The following DSCAML1 variants were observed in gnomAD, a reference collection of about 807,000 sequenced individuals.
DSCAML1 encodes the protein DS cell adhesion molecule like 1, also known as cell adhesion molecule DSCAML1.
DSCAML1 carries 38 observed loss-of-function variants against 200.5 expected under a neutral mutation model. That is an observed-to-expected ratio of 0.19 (90% confidence interval 0.15 to 0.25). The LOEUF (loss-of-function observed/expected upper bound fraction) is 0.25. DSCAML1 is among the 10% of genes least tolerant of loss of function. The pLI is 1.00. For missense variants in DSCAML1, 2,223 were observed against 2,858.8 expected (o/e 0.78, Z 5.07); for synonymous variants, 1,215 against 1,165.0 (o/e 1.04, Z -0.87).
intron 3 of DSCAML1, among the ~76,000 whole-genome samples, chr11:117,584,134 T>A (rs2051097423): frequency 6.6e-6 from 1 of 152,102 alleles, no homozygotes; most frequent in African/African-American, 2.4e-5. Flanking sequence ...ACATTTAAAT[T>A]CTTTTCTGCT....
intron 3 of DSCAML1, among the ~76,000 whole-genome samples, chr11:117,623,569 T>C (rs2051983726): frequency 1.3e-5 from 2 of 152,162 alleles, no homozygotes; most frequent in South Asian, 4.1e-4. Context: ...TAGGGTTAGA[T>C]AGTCTTAGCT....
chr11:117,722,812 G>A (rs1462875592), intron 3 of DSCAML1, among the ~76,000 whole-genome samples: 1 of 152,124 alleles, frequency 6.6e-6, no homozygotes, highest in East Asian at 1.9e-4. Context: ...ATATGTTGCT[G>A]ACAAATCTCA....
chr11:117,542,317 C>CACA (rs1565777181), intron 3 of DSCAML1, among the ~76,000 whole-genome samples: 1 of 102,112 alleles, frequency 9.8e-6, no homozygotes, highest in African/African-American at 3.3e-5. Flanking sequence ...CAAAACAAAA[C>CACA]AAAACAAAAC....
At chr11:117,563,850 C>A (rs191030599) in intron 3 of DSCAML1, among the ~76,000 whole-genome samples, 1 of 152,208 alleles carries the variant, frequency 6.6e-6, no homozygotes, top group East Asian at 1.9e-4. Context: ...GGCCTGTGCA[C>A]CCTGGCAATG....
At chr11:117,776,985 G>C (rs770293520) in intron 2 of DSCAML1, 48 bp from the exon 3 acceptor site, 4 of 1,603,234 alleles carry the variant, frequency 2.5e-6, no homozygotes, top group Non-Finnish European at 3.4e-6. Flanking sequence ...ACAAGGATGT[G>C]GTGAGGGTCC....
At chr11:117,760,039 C>T (rs987956458) in intron 3 of DSCAML1, among the ~76,000 whole-genome samples, 2 of 152,150 alleles carry the variant, frequency 1.3e-5, no homozygotes, top group African/African-American at 4.8e-5. Context: ...CCAGAATCAG[C>T]CCCCAGACCT....
rs747107742 is a variant in DSCAML1, at chr11:117,465,004, G to A, written c.3203C>T (p.Ala1068Val). The A allele has an allele frequency of 6.8e-6, 11 of 1,614,106 alleles. No homozygotes were observed. The highest frequency in any genetic ancestry group is 8.5e-6 in the Non-Finnish European group (10 of 1,179,968). ...GGGCCCCGTGCCAGCCCGATTGAAG[G>A]CTTGGACCACCACCCCATACTGGGC... ...KFAQYGVVVQ[A>V]FNRAGTGPSS... Residue 1068 changes from alanine to valine, a missense_variant, in exon 17 of 33, where the codon GCC (alanine) becomes GTC (valine). Coordinates refer to ENST00000651296, the MANE Select transcript of DSCAML1 (RefSeq NM_020693.4).
At position 117,480,267 on chromosome 11, in the gene DSCAML1, C is replaced by T. The variant is rs1038669381; in HGVS notation, c.2785+176G>A. Among the ~76,000 whole-genome samples, 3 of 152,216 alleles carry T rather than the reference C, an allele frequency of 2.0e-5. No individual in the cohort carries two copies. The highest frequency in any genetic ancestry group is 7.2e-5 in the African/African-American group (3 of 41,454). ...TCTTCCACCCGGACTCCTAGCCCGG[C>T]CAGTGTCCCTCCCTTCAGAAGCCAC... On this transcript the variant is annotated intron_variant, in intron 14 of 32. Transcript: ENST00000651296. This position sits in a 1 kb window ranked among gnomAD's most constrained non-coding sequence, Gnocchi z 4.1.
intron 3 of DSCAML1, among the ~76,000 whole-genome samples, chr11:117,754,881 C>T (rs2054660845): frequency 6.6e-6 from 1 of 152,142 alleles, no homozygotes; most frequent in East Asian, 1.9e-4. Context: ...ACAGTTTTCT[C>T]CTAACTCCAT....
chr11:117,605,843 G>A (rs1366214884), intron 3 of DSCAML1, among the ~76,000 whole-genome samples: 1 of 152,130 alleles, frequency 6.6e-6, no homozygotes, highest in Non-Finnish European at 1.5e-5. Context: ...GTGTGGGGGT[G>A]TGGGTGGGCA....
At chr11:117,747,324 T>G (rs2054534176) in intron 3 of DSCAML1, among the ~76,000 whole-genome samples, 1 of 152,188 alleles carries the variant, frequency 6.6e-6, no homozygotes, top group African/African-American at 2.4e-5. Context: ...GCGGGTTTCT[T>G]CAAATTCAAG....
At chr11:117,431,250 A>G (rs2047786062) in intron 31 of DSCAML1, among the ~76,000 whole-genome samples, 1 of 152,100 alleles carries the variant, frequency 6.6e-6, no homozygotes, top group Non-Finnish European at 1.5e-5. Context: ...ATAAGCAACC[A>G]TCCCCTGGAA....
At chr11:117,690,590 A>G (rs1383890420) in intron 3 of DSCAML1, among the ~76,000 whole-genome samples, 1 of 152,246 alleles carries the variant, frequency 6.6e-6, no homozygotes, top group Non-Finnish European at 1.5e-5. Flanking sequence ...CATGAGGTTC[A>G]GAGAGGTAGT....
At chr11:117,461,410 C>T in intron 18 of DSCAML1, 40 bp downstream of exon 18, 6 of 1,613,624 alleles carry the variant, frequency 3.7e-6, no homozygotes, top group Non-Finnish European at 5.1e-6. Flanking sequence ...TGACCTGCGC[C>T]TCTCCCCTGA....
rs1555038476 is a variant in DSCAML1 at position 117,816,807 on chromosome 11, G to GGGGGGT, written c.-250+582_-250+583insACCCCC. ...GAGAGTTCGGAATTGCTGGGGGGGT[G>GGGGGGT]GGGTGGAGATTTCTCCTGATGCCCC... On this transcript the variant is annotated intron_variant, in intron 1 of 2. Coordinates refer to the DSCAML1 transcript ENST00000525836. Among the ~76,000 whole-genome samples the GGGGGGT allele has an allele frequency of 7.0e-5, 8 of 115,086 alleles. No individual in the cohort carries two copies. The East Asian group carries it at 1.0e-3, about 15-fold the overall frequency. The allele number at this position is 115,086 out of a possible 152,430, so 75.5% of individuals were successfully genotyped here.
At chr11:117,490,120 G>A (rs1376524134) in intron 11 of DSCAML1, among the ~76,000 whole-genome samples, 1 of 152,174 alleles carries the variant, frequency 6.6e-6, no homozygotes, top group African/African-American at 2.4e-5. Context: ...ACGGAGAGGA[G>A]AAAGGCACCA....
chr11:117,717,383 C>T (rs192209559), intron 3 of DSCAML1, among the ~76,000 whole-genome samples: 119 of 152,270 alleles, frequency 7.8e-4, no homozygotes, highest in African/African-American at 2.6e-3. Flanking sequence ...CTCCCCTTGA[C>T]GCTCCCTCAA....
chr11:117,718,678 C>CCG (rs2053996952), intron 3 of DSCAML1, among the ~76,000 whole-genome samples: 1 of 96,874 alleles, frequency 1.0e-5, no homozygotes, highest in African/African-American at 3.4e-5. Context: ...ACCCCCCCCC[C>CCG]CCCCCATCAT....
chr11:117,590,692 A>G (rs1034990612), intron 3 of DSCAML1, among the ~76,000 whole-genome samples: 1 of 152,228 alleles, frequency 6.6e-6, no homozygotes, highest in African/African-American at 2.4e-5. Flanking sequence ...AAAGAACTGC[A>G]GCAGAAAGGA....
Sources: gnomAD v4.1 joint callset for allele counts (sites outside exome capture counted in the v4.1 genomes callset) on GRCh38, gnomAD v4.1.1 for gene constraint, Gnocchi (gnomAD v3.1) non-coding constraint, MANE v1.5 for transcripts, NCBI Gene and HGNC (gene_info 2026-07-23, HGNC 2026-07-21) for gene names.